MGA: variants seen among roughly 807,000 people sequenced by gnomAD.
The protein encoded by MGA is MAX gene-associated protein.
A neutral mutation model predicts 261.1 loss-of-function variants in MGA; 40 were observed. The ratio of observed to expected loss-of-function variants is 0.15; its 90% CI spans 0.12 to 0.20. The LOEUF (loss-of-function observed/expected upper bound fraction) is 0.20. Ranked by LOEUF, MGA falls within the 10% of genes least tolerant of loss-of-function variation. MGA has a pLI of 1.00. For synonymous variants in MGA, 1,302 were observed against 1,290.6 expected (o/e 1.01, Z -0.19); for missense variants, 3,397 against 3,630.5 (o/e 0.94, Z 1.65).
rs2063830538 is a variant in MGA, at chr15:41,766,974, C to CCCCA, written c.8896_8899dup (p.Leu2967HisfsTer33). The CCCCA allele has an allele frequency of 6.2e-7, 1 of 1,613,882 alleles. No individual in the cohort carries two copies. On this transcript the variant is annotated frameshift_variant, in exon 24 of 24. Coordinates refer to ENST00000219905, the MANE Select transcript of MGA (RefSeq NM_001164273.2). LOFTEE classifies it high-confidence loss of function. Reference sequence around the variant, plus strand: ...CAGAGCCCGAAAGTGTGTCCTCACCCCCCACCCTACACATGAAGACTGGCT... The same window carrying CCCCA: ...CAGAGCCCGAAAGTGTGTCCTCACCCCCCACCCACCCTACACATGAAGACTGGCT...
intron 1 of MGA, among the ~76,000 whole-genome samples, chr15:41,641,772 GC>G (rs1283748864): frequency 6.6e-6 from 1 of 152,068 alleles, no homozygotes; most frequent in Non-Finnish European, 1.5e-5. Flanking sequence ...ACAGGCATGA[GC>G]CACCGTGTCC....
chr15:41,660,574 G>A (rs1459099281), intron 1 of MGA, 49 bp downstream of exon 1: 1 of 152,650 alleles, frequency 6.6e-6, no homozygotes, highest in Non-Finnish European at 1.5e-5. Flanking sequence ...TGGCCCGATT[G>A]GAGTTTTTCG....
intron 1 of MGA, among the ~76,000 whole-genome samples, chr15:41,645,316 G>A (rs2056915127): frequency 6.6e-6 from 1 of 152,232 alleles, no homozygotes; most frequent in South Asian, 2.1e-4. Flanking sequence ...AGGGCCGAGT[G>A]CGGTGGCTCA....
intron 7 of MGA, among the ~76,000 whole-genome samples, chr15:41,709,908 C>G (rs1422860417): frequency 6.6e-6 from 1 of 151,462 alleles, no homozygotes; most frequent in Non-Finnish European, 1.5e-5. Context: ...CGCAACCTCC[C>G]CGTCTCGGGT....
At position 41,736,535 on chromosome 15, in the gene MGA, G is replaced by C. The variant is rs2061786271; in HGVS notation, c.4271G>C (p.Gly1424Ala). 6.2e-7 allele frequency: 1 copy of C among 1,613,850 alleles called. No homozygotes were observed. The highest frequency in any genetic ancestry group is 1.3e-5 in the African/African-American group (1 of 74,888). ...ACTCCTGATGGTCCATTGTCCCCTGGGAAAATGGAGGATATCTCTCCTGTG... is the reference window on the plus strand; with the variant it reads ...ACTCCTGATGGTCCATTGTCCCCTGCGAAAATGGAGGATATCTCTCCTGTG... Residue 1424 changes from glycine (G) to alanine (A), a missense_variant, in exon 13 of 24, where the codon GGG becomes GCG. Physicochemically the swap from Gly to Ala is moderately conservative, Grantham distance 60. Around this residue, in one of 9 missense-constraint regions of MGA, gnomAD observed 1,410 missense variants for 1,386.4 expected, o/e 1.02. Transcript: ENST00000219905.
chr15:41,649,193 C>T (rs1428717701), intron 1 of MGA, among the ~76,000 whole-genome samples: 1 of 151,702 alleles, frequency 6.6e-6, no homozygotes, highest in Non-Finnish European at 1.5e-5. Context: ...ACCAGCCTGG[C>T]CAAGATGGTG....
At chr15:41,659,703 A>G (rs1162206841), upstream of MGA, among the ~76,000 whole-genome samples, 1 of 152,240 alleles carries the variant, frequency 6.6e-6, no homozygotes, top group Non-Finnish European at 1.5e-5. Flanking sequence ...AATTGAATGC[A>G]CAGGATCAAG....
chr15:41,762,820 G>A (rs150525739), intron 22 of MGA, among the ~76,000 whole-genome samples: 1 of 152,026 alleles, frequency 6.6e-6, no homozygotes, highest in Non-Finnish European at 1.5e-5. Context: ...ATAAAAAGTA[G>A]AATATTAACT....
At position 41,764,892 on chromosome 15, in the gene MGA, C is replaced by T. The variant is rs1398067001; in HGVS notation, c.7751C>T (p.Thr2584Ile). 2 of 1,613,850 alleles carry T rather than the reference C, an allele frequency of 1.2e-6. No individual in the cohort carries two copies. Among genetic ancestry groups the T allele is most frequent in the Non-Finnish European group, 1.7e-6 (2 of 1,179,804 alleles). ...TTTCTGATCTTTCTTACAGAAAATA[C>T]CTCACCCTTGAACACTCCACACACC... The change falls in exon 23 of 24, where the codon ACC (threonine) becomes ATC (isoleucine). Residue 2584 changes from threonine (T) to isoleucine (I), a missense_variant. Transcript: ENST00000219905.
At chr15:41,741,799 C>T (rs1273977364) in intron 14 of MGA, among the ~76,000 whole-genome samples, 1 of 152,088 alleles carries the variant, frequency 6.6e-6, no homozygotes, top group Non-Finnish European at 1.5e-5. Flanking sequence ...GCAGCATCCA[C>T]CTCCTGGGTT....
intron 11 of MGA, among the ~76,000 whole-genome samples, chr15:41,729,816 CAG>C (rs1480394719): frequency 6.6e-6 from 1 of 152,086 alleles, no homozygotes; most frequent in East Asian, 1.9e-4. Flanking sequence ...GCCTGGGTGA[CAG>C]AGTGAGACTC....
At chr15:41,689,562 C>G (rs1213073431) in intron 2 of MGA, among the ~76,000 whole-genome samples, 1 of 139,368 alleles carries the variant, frequency 7.2e-6, no homozygotes, top group Admixed American at 7.1e-5. Flanking sequence ...TTTTCTTTTT[C>G]TTTTTTTTTT....
intron 17 of MGA, 121 bp downstream of exon 17, chr15:41,750,736 A>T: frequency 1.1e-6 from 1 of 899,570 alleles, no homozygotes; most frequent in Non-Finnish European, 1.6e-6. Context: ...TAGGTTTAAG[A>T]TTATGACTTA....
intron 2 of MGA, among the ~76,000 whole-genome samples, chr15:41,695,322 G>A (rs2059502058): frequency 6.6e-6 from 1 of 152,080 alleles, no homozygotes; most frequent in Admixed American, 6.6e-5. Flanking sequence ...TTGAGTAGCT[G>A]GGACTACTGG....
At chr15:41,717,575 G>A (rs1447479592) in intron 9 of MGA, among the ~76,000 whole-genome samples, 1 of 152,120 alleles carries the variant, frequency 6.6e-6, no homozygotes, top group African/African-American at 2.4e-5. Context: ...ACTCACTCAA[G>A]AAGAAATAGG....
intron 9 of MGA, among the ~76,000 whole-genome samples, chr15:41,714,830 T>G (rs761013985): frequency 6.6e-6 from 1 of 152,194 alleles, no homozygotes; most frequent in Non-Finnish European, 1.5e-5. Context: ...TTTTACAACT[T>G]TTAAAACTGT....
chr15:41,739,424 T>G (rs2061969824), intron 13 of MGA, among the ~76,000 whole-genome samples: 1 of 152,230 alleles, frequency 6.6e-6, no homozygotes, highest in South Asian at 2.1e-4. Context: ...GTCTTATAAC[T>G]TAAAGTAGAT....
chr15:41,748,941 T>C lies in MGA; in HGVS notation c.5503+14T>C. ...TTCGGAACCCAGGTATAAAGTTCTTTTTTATGAACTTTTCTTTTGTTGAAT... is the reference window on the plus strand; with the variant it reads ...TTCGGAACCCAGGTATAAAGTTCTTCTTTATGAACTTTTCTTTTGTTGAAT... On this transcript the variant is annotated intron_variant, in intron 16 of 23. Coordinates refer to ENST00000219905, the MANE Select transcript of MGA (RefSeq NM_001164273.2). The C allele has an allele frequency of 6.2e-7, 1 of 1,607,720 alleles. No individual in the cohort carries two copies. Among genetic ancestry groups the C allele is most frequent in the South Asian group, 1.1e-5 (1 of 90,116 alleles).
At chr15:41,743,487 T>C (rs2062234211) in intron 15 of MGA, among the ~76,000 whole-genome samples, 2 of 152,222 alleles carry the variant, frequency 1.3e-5, no homozygotes, top group Non-Finnish European at 2.9e-5. Context: ...GAGCTGGAGA[T>C]TGCGACTCAA....
Sources: allele counts gnomAD v4.1 joint callset (sites outside exome capture counted in the v4.1 genomes callset), GRCh38; gene constraint gnomAD v4.1.1; regional missense constraint gnomAD v4.1.1; transcripts MANE v1.5; gene names NCBI Gene and HGNC (gene_info 2026-07-23, HGNC 2026-07-21).